DNAJB1: variants seen among roughly 807,000 people sequenced by gnomAD.
DNAJB1 encodes DnaJ heat shock protein family (Hsp40) member B1.
In DNAJB1, 14 loss-of-function variants were observed where a neutral mutation model predicts 24.0. The observed-to-expected ratio is 0.58, with a 90% CI of 0.39 to 0.91. DNAJB1 has a LOEUF of 0.91. Among genes scored for constraint, DNAJB1 ranks in the 40% least tolerant of loss-of-function variants. The pLI is 0.00. For missense variants in DNAJB1, 517 were observed against 458.1 expected (o/e 1.13, Z -1.17); for synonymous variants, 262 against 174.4 (o/e 1.50, Z -3.96).
intron 1 of DNAJB1, among the ~76,000 whole-genome samples, chr19:14,546,975 A>T (rs190183404): frequency 3.9e-5 from 6 of 152,176 alleles, no homozygotes; most frequent in Admixed American, 3.9e-4. Flanking sequence ...GATTACAGGC[A>T]TGAGCCACTG....
rs759266426 is a variant in DNAJB1 at position 14,518,151 on chromosome 19, A to C, written c.199T>G (p.Tyr67Asp). The C allele has an allele frequency of 2.8e-5, 44 of 1,573,100 alleles. No individual in the cohort carries two copies. The highest frequency in any genetic ancestry group is 3.5e-5 in the Non-Finnish European group (41 of 1,161,110). Residue 67 changes from tyrosine to aspartate, a missense_variant, in exon 1 of 3, where the codon TAC becomes GAC. Physicochemically the swap from Tyr to Asp is radical, Grantham distance 160. Transcript: ENST00000254322. ...CGCGAGCACACACCTTCCTCCCCGT[A>C]GCGGTCGAAGATCTCGCGCTTGCGC... ...DPRKREIFDR[Y>D]GEEGLKGSGP...
At chr19:14,526,153 C>G (rs2072421467) in intron 2 of DNAJB1, among the ~76,000 whole-genome samples, 1 of 152,216 alleles carries the variant, frequency 6.6e-6, no homozygotes, top group Admixed American at 6.6e-5. Flanking sequence ...TCCTTGGAAG[C>G]TGCCGCAGCT....
chr19:14,545,301 A>C (rs1188600373), intron 1 of DNAJB1: 1 of 426,114 alleles, frequency 2.3e-6, no homozygotes, highest in Non-Finnish European at 4.7e-6. Flanking sequence ...GTGCTACCCC[A>C]GGGCCTTTGC....
At chr19:14,532,427 T>G (rs1239815164), upstream of DNAJB1, 1 of 147,714 alleles carries the variant, frequency 6.8e-6, no homozygotes, top group African/African-American at 2.5e-5. Context: ...ACGCCTGTAA[T>G]CTCAGCTACT....
upstream of DNAJB1, chr19:14,530,255 A>G (rs1177156452): frequency 5.9e-6 from 1 of 169,426 alleles, no homozygotes; most frequent in Non-Finnish European, 1.3e-5. Context: ...CTGGTTATCA[A>G]AGAGGTCATC....
chr19:14,528,493 C>A (rs1278318890), intron 1 of DNAJB1, among the ~76,000 whole-genome samples: 2 of 152,002 alleles, frequency 1.3e-5, no homozygotes, highest in Admixed American at 1.3e-4. Flanking sequence ...CCCCCTCGGC[C>A]TCCCAAGGTG....
upstream of DNAJB1, among the ~76,000 whole-genome samples, chr19:14,553,822 G>A (rs1042136371): frequency 3.3e-5 from 5 of 152,142 alleles, no homozygotes; most frequent in East Asian, 3.9e-4. Context: ...GTGCAGCAGC[G>A]CTTGTGCCCG....
chr19:14,517,889 G>C (rs2072301741), intron 1 of DNAJB1: 2 of 388,280 alleles, frequency 5.2e-6, no homozygotes, highest in Non-Finnish European at 9.1e-6. Context: ...TCGGGGCCGC[G>C]GGAGGAGGCG....
At chr19:14,518,462 C>G (rs1462098648), upstream of DNAJB1, 1 of 844,402 alleles carries the variant, frequency 1.2e-6, no homozygotes, top group South Asian at 4.8e-5. Flanking sequence ...CGCCAGCCCC[C>G]TCCAGAACCT....
intron 1 of DNAJB1, among the ~76,000 whole-genome samples, chr19:14,543,716 G>A (rs1349321471): frequency 6.7e-6 from 1 of 149,894 alleles, no homozygotes. Context: ...GGGATTACAG[G>A]CGTGAGCCAC....
chr19:14,547,748 T>G (rs900112001), intron 1 of DNAJB1, among the ~76,000 whole-genome samples: 2 of 151,458 alleles, frequency 1.3e-5, no homozygotes, highest in Non-Finnish European at 2.9e-5. Context: ...AGCTTGGGCC[T>G]CCTGGGCTTA....
chr19:14,539,140 A>ATTTTTTTTTT (rs57801378), intron 1 of DNAJB1, among the ~76,000 whole-genome samples: 1 of 92,534 alleles, frequency 1.1e-5, no homozygotes, highest in African/African-American at 4.6e-5. Flanking sequence ...CGCCCGGCTA[A>ATTTTTTTTTT]TTTTTTTTTT....
At position 14,515,799 on chromosome 19, in the gene DNAJB1, T is replaced by G; in HGVS notation, c.*141A>C. 1 of 771,772 alleles carries G rather than the reference T, an allele frequency of 1.3e-6. No homozygotes were observed. Among genetic ancestry groups the G allele is most frequent in the Non-Finnish European group, 2.1e-6 (1 of 475,180 alleles). 47.8% of individuals were successfully genotyped at this position (771,772 alleles called of 1,614,324 possible). A position where few individuals can be genotyped will look rare whatever the true frequency, so the allele number is the denominator to read the frequency against. On this transcript the variant is annotated 3_prime_UTR_variant, in exon 3 of 3. Transcript: ENST00000254322. ...AGTGTGCGACTTTGAAAGATTGTAA[T>G]ATATGCTCTGGAAAACATTCAGCAG...
intron 1 of DNAJB1, among the ~76,000 whole-genome samples, chr19:14,542,347 GTTTTTTTTT>G (rs71166754): frequency 5.1e-4 from 22 of 43,298 alleles, no homozygotes; most frequent in South Asian, 9.3e-4. Flanking sequence ...ATGCCATAGT[GTTTTTTTTT>G]TTTTTTTTTT....
At chr19:14,518,117 G>A in intron 1 of DNAJB1, 22 bp downstream of exon 1, 1 of 1,460,998 alleles carries the variant, frequency 6.8e-7, no homozygotes, top group Non-Finnish European at 9.0e-7. Context: ...GCGGGGCCGC[G>A]CCCCTGGCCG....
intron 1 of DNAJB1, among the ~76,000 whole-genome samples, chr19:14,542,734 G>A (rs1048534030): frequency 6.6e-6 from 1 of 152,076 alleles, no homozygotes; most frequent in Non-Finnish European, 1.5e-5. Context: ...TGGATTGCGT[G>A]TGGGGCTTAC....
At position 14,516,524 on chromosome 19, in the gene DNAJB1, T is replaced by G; in HGVS notation, c.734A>C (p.Asn245Thr). Reference sequence around the variant, plus strand: ...ATCAGAGCCATCTCTCTTAAAGATATTGTGGGGCTTGTCCTTTAAAACAAA... The same window carrying G: ...ATCAGAGCCATCTCTCTTAAAGATAGTGTGGGGCTTGTCCTTTAAAACAAA... The part of the protein sequence containing the change: ...IVFVLKDKPH[N>T]IFKRDGSDVI... Residue 245 changes from asparagine to threonine, a missense_variant, in exon 2 of 3, where the codon AAT becomes ACT. Transcript: ENST00000254322. The G allele has an allele frequency of 6.2e-7, 1 of 1,614,196 alleles. No individual in the cohort carries two copies. The highest frequency in any genetic ancestry group is 8.5e-7 in the Non-Finnish European group (1 of 1,180,042).
At chr19:14,535,394 G>A (rs747177766) in intron 1 of DNAJB1, among the ~76,000 whole-genome samples, 2 of 149,646 alleles carry the variant, frequency 1.3e-5, no homozygotes, top group Non-Finnish European at 3.0e-5. Flanking sequence ...TGTAGTCCCA[G>A]CTACTTGGGA....
chr19:14,553,303 T>C (rs1599470523), upstream of DNAJB1, among the ~76,000 whole-genome samples: 1 of 152,116 alleles, frequency 6.6e-6, no homozygotes, highest in African/African-American at 2.4e-5. Flanking sequence ...GACATTGGCA[T>C]TGAGACCCTG....
Sources: gnomAD v4.1 joint callset for allele counts (sites outside exome capture counted in the v4.1 genomes callset) on GRCh38, gnomAD v4.1.1 for gene constraint, MANE v1.5 for transcripts, NCBI Gene and HGNC (gene_info 2026-07-23, HGNC 2026-07-21) for gene names.